Variants in TTLL6 observed in about 807,000 individuals in gnomAD.
TTLL6 encodes the protein tubulin tyrosine ligase like 6.
A neutral mutation model predicts 96.4 loss-of-function variants in TTLL6; 75 were observed. That is an observed-to-expected ratio of 0.78 (90% confidence interval 0.65 to 0.94). The LOEUF (loss-of-function observed/expected upper bound fraction) is 0.94, where lower values mean the gene tolerates loss of function less well. TTLL6 is among the 40% of genes least tolerant of loss of function. The pLI is 0.00. For synonymous variants in TTLL6, 411 were observed against 419.4 expected (o/e 0.98, Z 0.24); for missense variants, 1,030 against 1,093.0 (o/e 0.94, Z 0.81).
chr17:48,810,796 ACATATATACACATATATAGTATGTGTGTG>A (rs1489072443), intron 1 of TTLL6, among the ~76,000 whole-genome samples: 1,355 of 63,634 alleles, frequency 0.021, 62 homozygotes, highest in Middle Eastern at 0.027. Context: ...TATATATAGT[ACATATATACACATATATAGTATGTGTGTG>A]TATATATATA....
chr17:48,778,624 A>G (rs2038926996), intron 13 of TTLL6, among the ~76,000 whole-genome samples: 2 of 139,302 alleles, frequency 1.4e-5, no homozygotes, highest in South Asian at 4.7e-4. Flanking sequence ...AGCAAGACTC[A>G]GTCTCTTAAA....
At chr17:48,803,172 A>C (rs1216879414) in intron 3 of TTLL6, among the ~76,000 whole-genome samples, 1 of 152,158 alleles carries the variant, frequency 6.6e-6, no homozygotes, top group Admixed American at 6.6e-5. Context: ...CCCAGTCTCA[A>C]AAATAAAATA....
At chr17:48,811,805 C>T (rs2039596635) in intron 1 of TTLL6, among the ~76,000 whole-genome samples, 1 of 149,418 alleles carries the variant, frequency 6.7e-6, no homozygotes, top group Non-Finnish European at 1.5e-5. Context: ...TCCAGCTATT[C>T]TTCTGCCTCA....
Position 48,762,987 on chromosome 17 carries a change from ATT to A in TTLL6, c.*1-16_*1-15del, listed in dbSNP as rs753820953. The A allele has an allele frequency of 2.4e-6, 1 of 416,072 alleles. No homozygotes were observed. Among genetic ancestry groups the A allele is most frequent in the South Asian group, 1.8e-5 (1 of 56,970 alleles). 25.8% of individuals were successfully genotyped at this position (416,072 alleles called of 1,614,324 possible). On this transcript the variant is annotated splice_polypyrimidine_tract_variant and intron_variant, in intron 15 of 15. Transcript: ENST00000393382. Reference sequence around the variant, plus strand: ...TCCAGTCTGATTCTGGAAAAAAAAAATTTTTTTTTTAGATTTTCCTTTAAAAT... The same window carrying A: ...TCCAGTCTGATTCTGGAAAAAAAAAATTTTTTTTAGATTTTCCTTTAAAAT...
intron 13 of TTLL6, among the ~76,000 whole-genome samples, chr17:48,774,233 G>GTT (rs1218981467): frequency 2.7e-5 from 3 of 112,924 alleles, no homozygotes; most frequent in African/African-American, 9.5e-5. Context: ...CAGGTTTGTT[G>GTT]TTTTTTTTTT....
chr17:48,807,025 C>T (rs778489382), intron 1 of TTLL6, among the ~76,000 whole-genome samples: 6 of 150,550 alleles, frequency 4.0e-5, no homozygotes, highest in South Asian at 2.1e-4. Flanking sequence ...AGCGAGACTC[C>T]GTCTCAAAAA....
intron 13 of TTLL6, among the ~76,000 whole-genome samples, chr17:48,778,169 T>G (rs2038915152): frequency 6.6e-6 from 1 of 151,204 alleles, no homozygotes; most frequent in Admixed American, 6.6e-5. Flanking sequence ...CCCAGCTACT[T>G]GGGAGGCTGA....
Position 48,789,945 on chromosome 17 carries a change from A to T in TTLL6, c.1386T>A (p.Cys462Ter). 6.2e-7 allele frequency: 1 copy of T among 1,613,904 alleles called. No homozygotes were observed. Among genetic ancestry groups the T allele is most frequent in the Non-Finnish European group, 8.5e-7 (1 of 1,179,926 alleles). The change falls in exon 10 of 16, where the codon TGT becomes TGA. Residue 462 changes from cysteine to a stop codon, truncating the protein, a stop_gained. Transcript: ENST00000393382. LOFTEE classifies it high-confidence loss of function. ...TGCGAATGTACCTCATCTCCCGAGA[A>T]CAACACTGCTGCAGGAACTGCCCCC... ...RQRGQFLQQC[C>*]SREMRIEEAK... is the part of the protein sequence containing the mutation.
chr17:48,804,840 C>T lies in TTLL6; in HGVS notation c.255G>A (p.Glu85=), dbSNP rs1409188203. 6 of 1,552,254 alleles carry T rather than the reference C, an allele frequency of 3.9e-6. No homozygotes were observed. Among genetic ancestry groups the T allele is most frequent in the African/African-American group, 2.7e-5 (2 of 73,042 alleles). The stretch of plus-strand genomic sequence containing the variant: ...GAAGTCCGTTTTGTGCCCCTGGGTT[C>T]TCTCTCACAAAAGCCAGCGCGACGG... ...KETVALAFVR[E]NPGAQNGLQN... The change falls in exon 2 of 16, where the codon GAG becomes GAA. Residue 85 remains glutamate, a synonymous_variant. Coordinates refer to ENST00000393382, the MANE Select transcript of TTLL6 (RefSeq NM_001130918.3).
At chr17:48,782,105 CTTT>C (rs34486928) in intron 13 of TTLL6, among the ~76,000 whole-genome samples, 9 of 122,600 alleles carry the variant, frequency 7.3e-5, no homozygotes, top group East Asian at 2.7e-4. Context: ...TTTTTCTTTT[CTTT>C]TTTTTTTTTT....
chr17:48,816,867 G>A, intron 1 of TTLL6, 103 bp downstream of exon 1: 2 of 841,100 alleles, frequency 2.4e-6, no homozygotes, highest in Non-Finnish European at 3.4e-6. Context: ...TGGGGACCTG[G>A]GTCCCGTGTG....
chr17:48,800,305 G>A (rs1597994344), intron 5 of TTLL6: 1 of 152,534 alleles, frequency 6.6e-6, no homozygotes, highest in East Asian at 1.9e-4. Flanking sequence ...GTATGGGAGA[G>A]CAAATCATAT....
chr17:48,779,865 T>C (rs1027484017), intron 13 of TTLL6, among the ~76,000 whole-genome samples: 1 of 151,796 alleles, frequency 6.6e-6, no homozygotes, highest in African/African-American at 2.4e-5. Context: ...AAAACTAAGG[T>C]GAAAAAGTCA....
In TTLL6 at chr17:48,769,106, T is replaced by C. The variant is rs1439625099; in HGVS notation, c.2559A>G (p.Gln853=). Residue 853 remains glutamine (Q), a synonymous_variant, in exon 15 of 16, where the codon CAA becomes CAG. Transcript: ENST00000393382. ...RDLLVIATPA[Q]LDPRPCRSHA... ...GGCTTCTACAAGGCCTTGGATCCAG[T>C]TGGGCTGGAGTGGCAATCACCAGCA... The C allele has an allele frequency of 7.4e-6, 12 of 1,614,210 alleles. No individual in the cohort carries two copies. Among genetic ancestry groups the C allele is most frequent in the South Asian group, 5.5e-5 (5 of 91,076 alleles).
At position 48,786,194 on chromosome 17, in the gene TTLL6, T is replaced by A; in HGVS notation, c.1731A>T (p.Lys577Asn). The part of the protein sequence containing the change: ...MRGWQQKQQQ[K>N]DKAATQASKQ... ...TGGAGGCTTGGGTGGCGGCCTTGTCTTTCTGCTGTTGTTTCTGTTGCCAGC... is the reference window on the plus strand; with the variant it reads ...TGGAGGCTTGGGTGGCGGCCTTGTCATTCTGCTGTTGTTTCTGTTGCCAGC... The change falls in exon 12 of 16, where the codon AAA (lysine) becomes AAT (asparagine). Residue 577 changes from lysine (K) to asparagine (N), a missense_variant. By Grantham distance (94) the Lys-to-Asn change is moderately conservative. Transcript: ENST00000393382. 6.2e-7 allele frequency: 1 copy of A among 1,614,226 alleles called. No homozygotes were observed. The highest frequency in any genetic ancestry group is 8.5e-7 in the Non-Finnish European group (1 of 1,180,040).
chr17:48,789,922 C>T lies in TTLL6; in HGVS notation c.1400+9G>A, dbSNP rs371586045. ...GAGAGCCCCGCAAGGCTGGGGAGTGCGAATGTACCTCATCTCCCGAGAACA... is the reference window on the plus strand; with the variant it reads ...GAGAGCCCCGCAAGGCTGGGGAGTGTGAATGTACCTCATCTCCCGAGAACA... On this transcript the variant is annotated intron_variant, in intron 10 of 15. Transcript: ENST00000393382. 21 of 1,613,042 alleles carry T rather than the reference C, an allele frequency of 1.3e-5. No individual in the cohort carries two copies. Among genetic ancestry groups the T allele is most frequent in the Non-Finnish European group, 1.7e-5 (20 of 1,179,560 alleles).
At chr17:48,768,769 T>A (rs1338152255) in intron 15 of TTLL6, among the ~76,000 whole-genome samples, 13 of 150,130 alleles carry the variant, frequency 8.7e-5, no homozygotes, top group Admixed American at 8.6e-4. Context: ...CTCAAACTCC[T>A]GGGCACAAGG....
Position 48,797,114 on chromosome 17 carries a change from C to T in TTLL6, c.859G>A (p.Gly287Arg). 3 of 1,551,528 alleles carry T rather than the reference C, an allele frequency of 1.9e-6. No homozygotes were observed. Among genetic ancestry groups the T allele is most frequent in the Non-Finnish European group, 2.6e-6 (3 of 1,146,974 alleles). Reference sequence around the variant, plus strand: ...GAGGTCGTCGCAAAGCGGGCCAGTCCTTCATTGTACACAAAAATCCTGAGA... The same window carrying T: ...GAGGTCGTCGCAAAGCGGGCCAGTCTTTCATTGTACACAAAAATCCTGAGA... The part of the protein sequence containing the change: ...DPLRIFVYNE[G>R]LARFATTSYS... The change falls in exon 7 of 16, where the codon GGA becomes AGA. Residue 287 changes from glycine (G) to arginine (R), a missense_variant. Gly to Arg is a moderately radical substitution (Grantham distance 125). Coordinates refer to ENST00000393382, the MANE Select transcript of TTLL6 (RefSeq NM_001130918.3).
At chr17:48,777,355 G>A (rs2038894704) in intron 13 of TTLL6, among the ~76,000 whole-genome samples, 1 of 152,150 alleles carries the variant, frequency 6.6e-6, no homozygotes, top group Admixed American at 6.5e-5. Flanking sequence ...AGCACTTTGG[G>A]AGGCCGAGGC....
Sources: allele counts gnomAD v4.1 joint callset (sites outside exome capture counted in the v4.1 genomes callset), GRCh38; gene constraint gnomAD v4.1.1; transcripts MANE v1.5; gene names NCBI Gene and HGNC (gene_info 2026-07-23, HGNC 2026-07-21).